Variants in VTI1A observed in about 807,000 individuals in gnomAD.
The protein encoded by VTI1A is vesicle transport through interaction with t-SNAREs 1A, also known as vesicle transport through interaction with t-SNAREs homolog 1A.
In VTI1A, 22 loss-of-function variants were observed where a neutral mutation model predicts 34.9. The ratio of observed to expected loss-of-function variants is 0.63; its 90% CI spans 0.45 to 0.90. VTI1A has a LOEUF of 0.90. Ranked by LOEUF, VTI1A falls within the 40% of genes least tolerant of loss-of-function variation. The pLI is 0.00. For missense variants in VTI1A, 268 were observed against 275.6 expected (o/e 0.97, Z 0.20); for synonymous variants, 87 against 97.3 (o/e 0.89, Z 0.62).
At chr10:112,796,856 T>G (rs945375275) in intron 7 of VTI1A, among the ~76,000 whole-genome samples, 1 of 152,208 alleles carries the variant, frequency 6.6e-6, no homozygotes, top group Non-Finnish European at 1.5e-5. Flanking sequence ...CCTTGGCTAT[T>G]CCCAAGATTT....
chr10:112,681,825 T>C (rs1429661160), intron 7 of VTI1A, among the ~76,000 whole-genome samples: 2 of 152,198 alleles, frequency 1.3e-5, no homozygotes, highest in South Asian at 2.1e-4. Flanking sequence ...GATTCATGAA[T>C]AGATGCAAAG....
intron 5 of VTI1A, among the ~76,000 whole-genome samples, chr10:112,649,715 T>C (rs140554268): frequency 6.6e-6 from 1 of 152,324 alleles, no homozygotes; most frequent in African/African-American, 2.4e-5. Flanking sequence ...CAAATCTAGA[T>C]GGCAGAGGAT....
chr10:112,618,486 A>G (rs1315491822), intron 5 of VTI1A, among the ~76,000 whole-genome samples: 1 of 93,620 alleles, frequency 1.1e-5, no homozygotes, highest in African/African-American at 4.6e-5. Context: ...ACAAATGATT[A>G]TATTATATAT....
At chr10:112,775,181 C>T (rs1851927131) in intron 7 of VTI1A, among the ~76,000 whole-genome samples, 1 of 152,098 alleles carries the variant, frequency 6.6e-6, no homozygotes, top group Non-Finnish European at 1.5e-5. Flanking sequence ...CTTTTTTCAT[C>T]AAGTTACACA....
chr10:112,601,897 T>G (rs928044329), intron 5 of VTI1A, among the ~76,000 whole-genome samples: 5 of 152,188 alleles, frequency 3.3e-5, no homozygotes, highest in African/African-American at 1.2e-4. Context: ...TGATTACAAC[T>G]AGGGTCCCTT....
chr10:112,600,537 G>A (rs1037163681), intron 5 of VTI1A, among the ~76,000 whole-genome samples: 5 of 152,090 alleles, frequency 3.3e-5, no homozygotes, highest in African/African-American at 7.2e-5. Flanking sequence ...CACTGGCTTC[G>A]TTCATGTGTG....
chr10:112,781,096 C>T (rs779952215), intron 7 of VTI1A, among the ~76,000 whole-genome samples: 2 of 152,128 alleles, frequency 1.3e-5, no homozygotes, highest in Non-Finnish European at 1.5e-5. Context: ...AGGTGCACAC[C>T]GCCATGGCCG....
chr10:112,831,085 G>A, the VTI1A span: 7 of 151,584 alleles, frequency 4.6e-5, no homozygotes, highest in African/African-American at 1.5e-4. Context: ...CATGCTCTGT[G>A]GAGGCTGGTA....
intron 7 of VTI1A, among the ~76,000 whole-genome samples, chr10:112,715,931 G>A (rs1849594112): frequency 6.6e-6 from 1 of 152,242 alleles, no homozygotes; most frequent in South Asian, 2.1e-4. Flanking sequence ...CTTTGTCAGT[G>A]TATTGAGACT....
chr10:112,822,084 G>A (rs1200259503), downstream of VTI1A, among the ~76,000 whole-genome samples: 4 of 152,250 alleles, frequency 2.6e-5, no homozygotes, highest in East Asian at 3.9e-4. Context: ...ACCCTTTCCT[G>A]GGGGCAGATT....
At chr10:112,630,189 C>T (rs774282626) in intron 5 of VTI1A, among the ~76,000 whole-genome samples, 53 of 152,154 alleles carry the variant, frequency 3.5e-4, no homozygotes, top group Non-Finnish European at 7.3e-4. Flanking sequence ...CATGCATATG[C>T]ATAATATATT....
intron 5 of VTI1A, among the ~76,000 whole-genome samples, chr10:112,613,864 G>A (rs897573855): frequency 2.6e-5 from 4 of 152,202 alleles, no homozygotes; most frequent in African/African-American, 9.7e-5. Context: ...TACTGTACAT[G>A]CGAGTCTGTC....
intron 2 of VTI1A, among the ~76,000 whole-genome samples, chr10:112,464,302 G>T (rs1227765859): frequency 2.6e-5 from 4 of 152,208 alleles, no homozygotes; most frequent in Non-Finnish European, 5.9e-5. Flanking sequence ...CTGGCCAAAT[G>T]TATATGTTTT....
rs1847836556 is a variant in VTI1A, at chr10:112,464,605, G to A, written c.212G>A (p.Ser71Asn). 1 of 1,612,954 alleles carries A rather than the reference G, an allele frequency of 6.2e-7. No individual in the cohort carries two copies. The highest frequency in any genetic ancestry group is 8.5e-7 in the Non-Finnish European group (1 of 1,179,238). The change falls in exon 3 of 8, where the codon AGC (serine) becomes AAC (asparagine). Residue 71 changes from serine to asparagine, a missense_variant. Transcript: ENST00000393077. ...CCACCCCAAAGTCGAGGGATGTACA[G>A]CAACAGAATGAGAAGCTACAAACAA... ...EIPPQSRGMY[S>N]NRMRSYKQEM...
At chr10:112,776,191 A>C (rs1185338320) in intron 7 of VTI1A, among the ~76,000 whole-genome samples, 2 of 152,178 alleles carry the variant, frequency 1.3e-5, no homozygotes, top group Non-Finnish European at 2.9e-5. Flanking sequence ...ACAGCAGCCG[A>C]GGGTAATCGT....
At chr10:112,598,522 A>T (rs997403181) in intron 5 of VTI1A, among the ~76,000 whole-genome samples, 2 of 152,240 alleles carry the variant, frequency 1.3e-5, no homozygotes, top group Non-Finnish European at 2.9e-5. Flanking sequence ...GGCTATTTTT[A>T]AAATGACCTT....
chr10:112,546,897 C>T (rs989844764), intron 5 of VTI1A, among the ~76,000 whole-genome samples: 1 of 152,094 alleles, frequency 6.6e-6, no homozygotes, highest in African/African-American at 2.4e-5. Flanking sequence ...AGTCCTGTTT[C>T]TTTTCTATGA....
At chr10:112,673,058 C>T (rs577502367) in intron 7 of VTI1A, among the ~76,000 whole-genome samples, 4 of 152,104 alleles carry the variant, frequency 2.6e-5, no homozygotes, top group South Asian at 2.1e-4. Context: ...GGCTCACACC[C>T]GTAATCCCAA....
chr10:112,562,235 G>T (rs201608377), intron 5 of VTI1A, among the ~76,000 whole-genome samples: 118 of 152,180 alleles, frequency 7.8e-4, no homozygotes, highest in East Asian at 3.1e-3. Context: ...CAGAAACAAT[G>T]ATGTTTTATT....
Sources: gnomAD v4.1 joint callset for allele counts (sites outside exome capture counted in the v4.1 genomes callset) on GRCh38, gnomAD v4.1.1 for gene constraint, MANE v1.5 for transcripts, NCBI Gene and HGNC (gene_info 2026-07-23, HGNC 2026-07-21) for gene names.